The following ST7L variants were observed in gnomAD, a reference collection of about 807,000 sequenced individuals.
ST7L encodes the protein suppressor of tumorigenicity 7 protein-like.
Under a neutral mutation model 72.5 loss-of-function variants are expected in ST7L, and 57 were observed. The ratio of observed to expected loss-of-function variants is 0.79; its 90% CI spans 0.64 to 0.98. ST7L has a LOEUF of 0.98. ST7L is among the 50% of genes least tolerant of loss of function. The pLI is 0.00. For missense variants in ST7L, 576 were observed against 672.2 expected, an observed-to-expected ratio of 0.86 and a Z score of 1.58; for synonymous variants, 221 against 240.9, an observed-to-expected ratio of 0.92 and a Z score of 0.77.
At position 112,526,158 on chromosome 1, in the gene ST7L, C is replaced by T. The variant is rs763396109; in HGVS notation, c.1630-47G>A. ...AAAATGTTCAAGCCCTGTAGGAGTC[C>T]CAGGACAGCCAAGAGAGTATATCTG... is the stretch of plus-strand genomic sequence containing the variant. On this transcript the variant is annotated intron_variant, in intron 14 of 14. Transcript: ENST00000358039. The T allele has an allele frequency of 2.4e-4, 390 of 1,612,252 alleles. 6 individuals are homozygous for T. The South Asian group carries it at 4.1e-3, about 17-fold the overall frequency.
intron 9 of ST7L, among the ~76,000 whole-genome samples, chr1:112,580,458 T>C (rs908683453): frequency 1.3e-5 from 2 of 152,166 alleles, no homozygotes; most frequent in Non-Finnish European, 2.9e-5. Context: ...CAGCCTTCAA[T>C]GTGACTTACA....
rs895038457 is a variant in ST7L at position 112,556,033 on chromosome 1, C to T, written c.1246-15G>A. On this transcript the variant is annotated splice_polypyrimidine_tract_variant and intron_variant, in intron 11 of 14. Coordinates refer to ENST00000358039, the MANE Select transcript of ST7L (RefSeq NM_017744.5). ...TCTAATAAATACTGAAAGAGTAACACACAGACACATATACACACAACAGAA... is the reference window on the plus strand; with the variant it reads ...TCTAATAAATACTGAAAGAGTAACATACAGACACATATACACACAACAGAA... The T allele has an allele frequency of 1.1e-5, 18 of 1,565,830 alleles. No individual in the cohort carries two copies. The highest frequency in any genetic ancestry group is 1.6e-5 in the Non-Finnish European group (18 of 1,154,904).
chr1:112,530,890 T>C (rs35857935), intron 14 of ST7L, among the ~76,000 whole-genome samples: 7,297 of 152,310 alleles, frequency 0.048, 248 homozygotes, highest in Non-Finnish European at 0.076. Flanking sequence ...AATGCAGAAT[T>C]GATCAGCAAA....
rs71584754 is a variant in ST7L, at chr1:112,602,083, CAAAAA to C, written c.452-1240_452-1236del. On this transcript the variant is annotated intron_variant, in intron 3 of 14. Coordinates refer to ENST00000358039, the MANE Select transcript of ST7L (RefSeq NM_017744.5). ...TGGGCGACAAGAGCAAAACTCCATCCAAAAAAAAAAAAAAAAAAAAGAAAAGAAAA... is the reference window on the plus strand; with the variant it reads ...TGGGCGACAAGAGCAAAACTCCATCCAAAAAAAAAAAAAAAGAAAAGAAAA... Among the ~76,000 whole-genome samples the C allele has an allele frequency of 1.1e-4, 10 of 89,058 alleles. No individual in the cohort carries two copies. In the South Asian group the frequency reaches 3.0e-3, roughly 27 times the overall value. The allele number at this position is 89,058 out of a possible 152,430, so 58.4% of individuals were successfully genotyped here.
At chr1:112,610,753 G>T in intron 3 of ST7L, 88 bp downstream of exon 3, 1 of 1,472,850 alleles carries the variant, frequency 6.8e-7, no homozygotes, top group Admixed American at 2.0e-5. Flanking sequence ...GCACACCACA[G>T]CACTCTGCTG....
At chr1:112,526,309 C>T in intron 14 of ST7L, 198 bp from the exon 15 acceptor site, 1 of 546,750 alleles carries the variant, frequency 1.8e-6, no homozygotes, top group Non-Finnish European at 3.1e-6. Context: ...CACATTTAAA[C>T]AACTCTGGCT....
intron 12 of ST7L, among the ~76,000 whole-genome samples, chr1:112,555,517 A>T (rs1355952495): frequency 6.6e-6 from 1 of 152,054 alleles, no homozygotes; most frequent in Non-Finnish European, 1.5e-5. Flanking sequence ...GTGAGCAGAG[A>T]TTGCGCCACT....
At chr1:112,619,249 T>C, upstream of ST7L, 1 of 795,824 alleles carries the variant, frequency 1.3e-6, no homozygotes, top group Non-Finnish European at 2.0e-6. Flanking sequence ...ACCGAGAAGA[T>C]TTCGAAGGTG....
At position 112,535,412 on chromosome 1, in the gene ST7L, G is replaced by T. The variant is rs1485627597; in HGVS notation, c.1629+6539C>A. Among the ~76,000 whole-genome samples the T allele has an allele frequency of 5.3e-5, 8 of 151,300 alleles. No homozygotes were observed. The East Asian group carries it at 7.8e-4, about 15-fold the overall frequency. ...ATAATAATAAGAAGAAGAAGAAGAA[G>T]AAGAAGAAGATGAAGAAGAAGAAGT... On this transcript the variant is annotated intron_variant, in intron 14 of 14. Coordinates refer to ENST00000358039, the MANE Select transcript of ST7L (RefSeq NM_017744.5).
chr1:112,590,099 G>A (rs965684800), intron 6 of ST7L, among the ~76,000 whole-genome samples: 1 of 152,110 alleles, frequency 6.6e-6, no homozygotes, highest in African/African-American at 2.4e-5. Context: ...TCAATTCTGG[G>A]AGAGTTTTGA....
intron 11 of ST7L, among the ~76,000 whole-genome samples, chr1:112,574,909 A>C (rs1046506553): frequency 6.6e-6 from 1 of 152,106 alleles, no homozygotes; most frequent in Non-Finnish European, 1.5e-5. Flanking sequence ...TTTTTGTCTC[A>C]TACACTTTGC....
chr1:112,604,775 TAAAAAAAAAAAAAAA>T (rs556388277), intron 3 of ST7L, among the ~76,000 whole-genome samples: 9 of 58,746 alleles, frequency 1.5e-4, no homozygotes, highest in Admixed American at 2.7e-4. Context: ...TTGTCTCTCT[TAAAAAAAAAAAAAAA>T]AAAAAAAAAA....
In ST7L at chr1:112,577,254, C is replaced by T. The variant is rs548174709; in HGVS notation, c.1143-166G>A. Among the ~76,000 whole-genome samples the T allele has an allele frequency of 3.0e-3, 451 of 150,144 alleles. 2 individuals are homozygous for T. Among genetic ancestry groups the T allele is most frequent in the East Asian group, 0.021 (110 of 5,150 alleles). On this transcript the variant is annotated intron_variant, in intron 10 of 14. Coordinates refer to ENST00000358039, the MANE Select transcript of ST7L (RefSeq NM_017744.5). The stretch of plus-strand genomic sequence containing the variant: ...AAAAAAAAAATTAAAGCTGGCCGGG[C>T]GCAGTGGCTCATGCTTGTAATCCCA...
intron 12 of ST7L, among the ~76,000 whole-genome samples, chr1:112,552,252 GT>G (rs1275016823): frequency 2.4e-5 from 2 of 83,072 alleles, no homozygotes; most frequent in South Asian, 2.5e-4. Flanking sequence ...CTGGAAATCT[GT>G]TTTTTTTCCC....
At chr1:112,544,557 T>C (rs1656749123) in intron 13 of ST7L, among the ~76,000 whole-genome samples, 1 of 152,228 alleles carries the variant, frequency 6.6e-6, no homozygotes, top group Non-Finnish European at 1.5e-5. Context: ...GGCCAACTTC[T>C]TCTTCTTCCC....
chr1:112,526,144 G>A, intron 14 of ST7L, 33 bp from the exon 15 acceptor site: 1 of 1,613,692 alleles, frequency 6.2e-7, no homozygotes, highest in Non-Finnish European at 8.5e-7. Flanking sequence ...AAATGTTCAA[G>A]CCCTGTAGGA....
intron 14 of ST7L, among the ~76,000 whole-genome samples, chr1:112,537,649 A>G (rs1466940497): frequency 1.3e-5 from 2 of 152,226 alleles, no homozygotes; most frequent in Non-Finnish European, 2.9e-5. Flanking sequence ...CAGGTGAGAA[A>G]ATGACCTACC....
At position 112,598,103 on chromosome 1, in the gene ST7L, C is replaced by A. The variant is rs758627987; in HGVS notation, c.507-17G>T. The stretch of plus-strand genomic sequence containing the variant: ...CAAGTGTATCTTTACCAAAACACAA[C>A]AAAATATTTAAATTGAACATGAGAG... On this transcript the variant is annotated splice_polypyrimidine_tract_variant and intron_variant, in intron 4 of 14. Transcript: ENST00000358039. 2.5e-6 allele frequency: 4 copies of A among 1,576,100 alleles called. No individual in the cohort carries two copies. Among genetic ancestry groups the A allele is most frequent in the Admixed American group, 1.8e-5 (1 of 57,112 alleles).
At chr1:112,556,895 G>A (rs1659203187) in intron 11 of ST7L, among the ~76,000 whole-genome samples, 1 of 147,544 alleles carries the variant, frequency 6.8e-6, no homozygotes, top group Admixed American at 6.8e-5. Context: ...TTGAACCCGG[G>A]AGGCGGAGGT....
Sources: gnomAD v4.1 joint callset for allele counts (sites outside exome capture counted in the v4.1 genomes callset) on GRCh38, gnomAD v4.1.1 for gene constraint, MANE v1.5 for transcripts, NCBI Gene and HGNC (gene_info 2026-07-23, HGNC 2026-07-21) for gene names.